CTPS1: variants seen among roughly 807,000 people sequenced by gnomAD.
CTPS1 encodes CTP synthase 1, also known as CTP synthetase 1.
In CTPS1, 25 loss-of-function variants were observed where a neutral mutation model predicts 80.5. That is an observed-to-expected ratio of 0.31 (90% confidence interval 0.23 to 0.43). The LOEUF is 0.43. Ranked by LOEUF, CTPS1 falls within the 20% of genes least tolerant of loss-of-function variation. The probability of loss-of-function intolerance (pLI) is 1.00; values close to 1 mark genes in which losing one functional copy is unlikely to be tolerated. For missense variants in CTPS1, 442 were observed against 725.7 expected, an observed-to-expected ratio of 0.61 and a Z score of 4.49; for synonymous variants, 267 against 252.5, an observed-to-expected ratio of 1.06 and a Z score of -0.54.
At chr1:40,987,858 G>T (rs1363764526) in intron 4 of CTPS1, among the ~76,000 whole-genome samples, 1 of 152,174 alleles carries the variant, frequency 6.6e-6, no homozygotes, top group Admixed American at 6.5e-5. Flanking sequence ...CTAGCTGTTG[G>T]ATCTCAGTGT....
At chr1:40,994,640 G>A (rs955899563) in intron 7 of CTPS1, among the ~76,000 whole-genome samples, 1 of 152,044 alleles carries the variant, frequency 6.6e-6, no homozygotes, top group African/African-American at 2.4e-5. Context: ...GCATTATTCA[G>A]TGGCAACCGC....
At position 40,984,813 on chromosome 1, in the gene CTPS1, C is replaced by A. The variant is rs764658979; in HGVS notation, c.167-8C>A. ...ACTTAACGTAAATGGTTTCTCTGTT[C>A]ACTGCAGGTGAGGTTTTTGTGCTGG... On this transcript the variant is annotated splice_region_variant and splice_polypyrimidine_tract_variant and intron_variant, in intron 2 of 18. Transcript: ENST00000650070. 2 of 1,519,804 alleles carry A rather than the reference C, an allele frequency of 1.3e-6. No individual in the cohort carries two copies. The highest frequency in any genetic ancestry group is 1.3e-5 in the South Asian group (1 of 77,970). 94.1% of individuals were successfully genotyped at this position (1,519,804 alleles called of 1,614,324 possible).
At chr1:41,003,343 C>T (rs1032950129) in intron 12 of CTPS1, among the ~76,000 whole-genome samples, 167 bp downstream of exon 12, 6 of 152,170 alleles carry the variant, frequency 3.9e-5, no homozygotes, top group African/African-American at 1.2e-4. Context: ...AGGAACAGCA[C>T]GGCTCCTCCA....
chr1:40,983,574 C>T lies in CTPS1; in HGVS notation c.166+118C>T, dbSNP rs931348150. The T allele has an allele frequency of 9.4e-6, 7 of 743,444 alleles. 1 individual carries two copies. The highest frequency in any genetic ancestry group is 1.8e-5 in the African/African-American group (1 of 55,964). 46.1% of individuals were successfully genotyped at this position (743,444 alleles called of 1,614,324 possible). ...CTGCCTTCTAACAGGTCCCTTAATA[C>T]AGCAGAATGATACTTTTCTCACCTA... is the stretch of plus-strand genomic sequence containing the variant. On this transcript the variant is annotated intron_variant, in intron 2 of 18. Transcript: ENST00000650070.
rs1417307941 is a variant in CTPS1 at position 41,002,270 on chromosome 1, G to A, written c.1189+16G>A. On this transcript the variant is annotated intron_variant, in intron 11 of 18. Transcript: ENST00000650070. ...CCTTTTTTGGGTAAGGAGCTCTGCA[G>A]TGCAGTCTTCACTTAAGAGTAGGAA... 2 of 1,606,090 alleles carry A rather than the reference G, an allele frequency of 1.2e-6. No homozygotes were observed. Among genetic ancestry groups the A allele is most frequent in the East Asian group, 2.2e-5 (1 of 44,850 alleles).
intron 4 of CTPS1, 97 bp from the exon 5 acceptor site, chr1:40,988,497 A>G (rs1642516006): frequency 1.3e-6 from 1 of 777,022 alleles, no homozygotes; most frequent in Non-Finnish European, 2.3e-6. Flanking sequence ...TTACATAATT[A>G]CTGATACTGA....
intron 1 of CTPS1, chr1:40,980,220 C>G (rs1483111140): frequency 6.6e-6 from 1 of 151,926 alleles, no homozygotes. Flanking sequence ...ACCCTCCGCC[C>G]TTGCTCTTCG....
intron 1 of CTPS1, chr1:40,982,141 G>A (rs973238845): frequency 4.6e-6 from 2 of 433,622 alleles, no homozygotes; most frequent in Admixed American, 7.1e-5. Flanking sequence ...CTCACCTCTT[G>A]TCGATGCTGT....
intron 1 of CTPS1, among the ~76,000 whole-genome samples, chr1:40,981,661 G>A (rs1165902135): frequency 6.6e-6 from 1 of 152,164 alleles, no homozygotes; most frequent in East Asian, 1.9e-4. Context: ...ACACTCCCAG[G>A]ATTCTTGCGT....
At chr1:40,984,793 A>T in intron 2 of CTPS1, 28 bp from the exon 3 acceptor site, 1 of 1,466,602 alleles carries the variant, frequency 6.8e-7, no homozygotes, top group East Asian at 2.5e-5. Flanking sequence ...TTTTCACTTA[A>T]CGTAAATGGT....
chr1:40,991,176 A>G lies in CTPS1; in HGVS notation c.567A>G (p.Thr189=). 1 of 1,585,564 alleles carries G rather than the reference A, an allele frequency of 6.3e-7. No homozygotes were observed. The highest frequency in any genetic ancestry group is 8.5e-7 in the Non-Finnish European group (1 of 1,172,520). ...HVSLVPQPSS[T]GEQKTKPTQN... ...CTTTTGTGAAATAGCCAAGTTCAAC[A>G]GGGGAACAGAAGACTAAACCTACCC... Residue 189 remains threonine (T), a synonymous_variant, in exon 6 of 19, where the codon ACA becomes ACG. Coordinates refer to ENST00000650070, the MANE Select transcript of CTPS1 (RefSeq NM_001905.4).
intron 5 of CTPS1, 49 bp from the exon 6 acceptor site, chr1:40,991,116 C>A: frequency 1.5e-6 from 2 of 1,365,444 alleles, no homozygotes; most frequent in South Asian, 1.3e-5. Flanking sequence ...CTTGAAAATT[C>A]CTTATCAGAG....
intron 17 of CTPS1, among the ~76,000 whole-genome samples, chr1:41,009,896 T>C (rs903036427): frequency 1.4e-4 from 21 of 152,246 alleles, no homozygotes; most frequent in Admixed American, 1.2e-3. Flanking sequence ...GGTAGGTTTA[T>C]GTCCCATTGC....
intron 1 of CTPS1, chr1:40,982,040 A>G: frequency 7.8e-7 from 1 of 1,285,736 alleles, no homozygotes; most frequent in Non-Finnish European, 1.0e-6. Flanking sequence ...CATTTTGGTC[A>G]CATTTGGGTT....
chr1:40,984,695 T>A, intron 2 of CTPS1, 126 bp from the exon 3 acceptor site: 1 of 690,866 alleles, frequency 1.4e-6, no homozygotes, highest in Non-Finnish European at 2.2e-6. Flanking sequence ...CTTCTAGAAG[T>A]GAATTTCTGT....
chr1:40,999,866 C>T (rs1294480152), intron 9 of CTPS1, among the ~76,000 whole-genome samples: 1 of 152,128 alleles, frequency 6.6e-6, no homozygotes, highest in African/African-American at 2.4e-5. Flanking sequence ...AGAAACCAGG[C>T]TGAACACTGA....
chr1:41,002,319 G>A, intron 11 of CTPS1, 65 bp downstream of exon 11: 1 of 1,323,594 alleles, frequency 7.6e-7, no homozygotes, highest in East Asian at 2.3e-5. Flanking sequence ...GTGCCACGTG[G>A]GAGCCTATGA....
Position 41,007,970 on chromosome 1 carries a change from G to A in CTPS1, c.1393+425G>A, listed in dbSNP as rs1483914898. 1.3e-5 allele frequency among the ~76,000 whole-genome samples: 2 copies of A among 152,158 alleles called. No individual in the cohort carries two copies. Among genetic ancestry groups the A allele is most frequent in the Admixed American group, 6.5e-5 (1 of 15,284 alleles). On this transcript the variant is annotated intron_variant, in intron 14 of 18. Coordinates refer to ENST00000650070, the MANE Select transcript of CTPS1 (RefSeq NM_001905.4). This position sits in a 1 kb window ranked among gnomAD's most constrained non-coding sequence, Gnocchi z 4.4. ...ATGCTGAAGGTTTAGGGTAGTTTTC[G>A]GAGGAAAATAGTTAAGAAAATGACT...
intron 12 of CTPS1, among the ~76,000 whole-genome samples, chr1:41,003,617 T>G (rs1642961395): frequency 6.6e-6 from 1 of 152,224 alleles, no homozygotes; most frequent in African/African-American, 2.4e-5. Context: ...CCGTTTTTTC[T>G]GTAAAATGGG....
Sources: allele counts gnomAD v4.1 joint callset (sites outside exome capture counted in the v4.1 genomes callset), GRCh38; gene constraint gnomAD v4.1.1; non-coding constraint Gnocchi (gnomAD v3.1); transcripts MANE v1.5; gene names NCBI Gene and HGNC (gene_info 2026-07-23, HGNC 2026-07-21).